Variants in ATP2B2 observed in about 807,000 individuals in gnomAD.
ATP2B2 encodes the protein ATPase plasma membrane Ca2+ transporting 2.
ATP2B2 carries 15 observed loss-of-function variants against 120.0 expected under a neutral mutation model. The observed-to-expected ratio is 0.12, with a 90% CI of 0.08 to 0.19. The LOEUF is 0.19. Ranked by LOEUF, ATP2B2 falls within the 10% of genes least tolerant of loss-of-function variation. The pLI is 1.00. For missense variants in ATP2B2, 1,045 were observed against 1,719.8 expected, an observed-to-expected ratio of 0.61 and a Z score of 6.94; for synonymous variants, 694 against 700.3, an observed-to-expected ratio of 0.99 and a Z score of 0.14.
intron 1 of ATP2B2, among the ~76,000 whole-genome samples, chr3:10,665,623 G>A (rs1047710300): frequency 6.6e-6 from 1 of 152,188 alleles, no homozygotes; most frequent in African/African-American, 2.4e-5. Context: ...ATGAACAAAA[G>A]CAAAGATGTG....
intron 3 of ATP2B2, among the ~76,000 whole-genome samples, chr3:10,521,626 G>A (rs1272033121): frequency 2.0e-5 from 3 of 152,208 alleles, no homozygotes; most frequent in African/African-American, 7.2e-5. Flanking sequence ...TTGTGGGAAC[G>A]GAGGTGAAAT....
chr3:10,639,677 G>A (rs540530706), intron 1 of ATP2B2, among the ~76,000 whole-genome samples: 60 of 152,302 alleles, frequency 3.9e-4, no homozygotes, highest in African/African-American at 1.2e-3. Context: ...GACTGGGTGC[G>A]GAGTTGTTGC....
At chr3:10,596,367 A>G (rs2068764036) in intron 2 of ATP2B2, among the ~76,000 whole-genome samples, 1 of 152,232 alleles carries the variant, frequency 6.6e-6, no homozygotes, top group Non-Finnish European at 1.5e-5. Flanking sequence ...TTCCAGCATC[A>G]TGTGCAGTGT....
chr3:10,435,513 C>A (rs2063453719), intron 2 of ATP2B2, among the ~76,000 whole-genome samples: 4 of 152,228 alleles, frequency 2.6e-5, no homozygotes, highest in Admixed American at 2.6e-4. Flanking sequence ...ATCTGGGCCA[C>A]TCCAGACCTC....
intron 2 of ATP2B2, among the ~76,000 whole-genome samples, chr3:10,432,353 C>G (rs1433996608): frequency 6.6e-6 from 1 of 152,208 alleles, no homozygotes; most frequent in Admixed American, 6.5e-5. Flanking sequence ...GCTGCACAGG[C>G]CTGAAGCCTG....
At chr3:10,557,788 C>G (rs897190132) in intron 2 of ATP2B2, among the ~76,000 whole-genome samples, 2 of 152,178 alleles carry the variant, frequency 1.3e-5, no homozygotes, top group African/African-American at 4.8e-5. Context: ...GAACTCCAGT[C>G]CGTGTGAGCC....
intron 1 of ATP2B2, among the ~76,000 whole-genome samples, chr3:10,505,056 G>A (rs1010540414): frequency 1.3e-5 from 2 of 152,162 alleles, no homozygotes; most frequent in Admixed American, 6.5e-5. Context: ...CCCTGGGACC[G>A]GCTCAGAGAG....
chr3:10,399,852 C>T (rs1303579847), intron 5 of ATP2B2, among the ~76,000 whole-genome samples: 1 of 152,246 alleles, frequency 6.6e-6, no homozygotes, highest in Non-Finnish European at 1.5e-5. Context: ...AACGCCACCT[C>T]CTCCAGGGAG....
chr3:10,586,452 A>G (rs879293162), intron 2 of ATP2B2, among the ~76,000 whole-genome samples: 11 of 152,212 alleles, frequency 7.2e-5, no homozygotes, highest in Non-Finnish European at 1.5e-4. Flanking sequence ...AAGTTTAAAC[A>G]ACCTTCCCAA....
chr3:10,408,853 C>T (rs745532249), intron 3 of ATP2B2, among the ~76,000 whole-genome samples: 5 of 152,150 alleles, frequency 3.3e-5, no homozygotes, highest in Admixed American at 1.3e-4. Flanking sequence ...GCCATGTATC[C>T]GAGCTGATTC....
At chr3:10,560,882 G>C (rs1218946143) in intron 2 of ATP2B2, among the ~76,000 whole-genome samples, 1 of 152,112 alleles carries the variant, frequency 6.6e-6, no homozygotes, top group Non-Finnish European at 1.5e-5. Flanking sequence ...AGGCTCCAGA[G>C]CATCTGTCCT....
chr3:10,365,711 G>A (rs937495596), intron 12 of ATP2B2, among the ~76,000 whole-genome samples: 1 of 139,054 alleles, frequency 7.2e-6, no homozygotes, highest in African/African-American at 2.7e-5. Flanking sequence ...TGTGTCTGTG[G>A]TATGTTTGGT....
intron 2 of ATP2B2, among the ~76,000 whole-genome samples, chr3:10,545,272 G>A (rs950684188): frequency 3.3e-5 from 5 of 152,200 alleles, no homozygotes; most frequent in African/African-American, 4.8e-5. Flanking sequence ...GCTCATGCCT[G>A]TAATCCCAGC....
intron 1 of ATP2B2, chr3:10,626,931 A>G (rs1238190625): frequency 3.3e-5 from 5 of 150,052 alleles, no homozygotes; most frequent in Non-Finnish European, 5.9e-5. Flanking sequence ...TCATTTACCA[A>G]TGAGACACTG....
chr3:10,468,096 G>A (rs2064826803), intron 1 of ATP2B2, among the ~76,000 whole-genome samples: 1 of 152,222 alleles, frequency 6.6e-6, no homozygotes, highest in African/African-American at 2.4e-5. Flanking sequence ...TGGTGGAGAT[G>A]CCAGGGAAGT....
Position 10,635,589 on chromosome 3 carries a change from C to T in ATP2B2, c.-459-15628G>A, listed in dbSNP as rs1398791464. ...GGGAGACAAGAATCAGAAGCAGCTG[C>T]CTAGAATGATCTGCCACAATTTGGC... On this transcript the variant is annotated intron_variant, in intron 1 of 21. Transcript: ENST00000646379. This position sits in a 1 kb window ranked among gnomAD's most constrained non-coding sequence, Gnocchi z 4.3. Among the ~76,000 whole-genome samples, 3 of 152,130 alleles carry T rather than the reference C, an allele frequency of 2.0e-5. No homozygotes were observed. The highest frequency in any genetic ancestry group is 4.4e-5 in the Non-Finnish European group (3 of 68,012).
chr3:10,617,795 G>A (rs1297790852), intron 2 of ATP2B2, among the ~76,000 whole-genome samples: 1 of 152,208 alleles, frequency 6.6e-6, no homozygotes, highest in Non-Finnish European at 1.5e-5. Flanking sequence ...CCAGCAACAT[G>A]AGTGTGCAGG....
At chr3:10,590,474 G>T (rs921876502) in intron 2 of ATP2B2, among the ~76,000 whole-genome samples, 1 of 152,122 alleles carries the variant, frequency 6.6e-6, no homozygotes, top group Non-Finnish European at 1.5e-5. Context: ...CTTCAGCCTC[G>T]CTGAAGGCTC....
In ATP2B2 at chr3:10,350,133, C is replaced by T; in HGVS notation, c.2383G>A (p.Asp795Asn). Residue 795 changes from aspartate (D) to asparagine (N), a missense_variant, in exon 16 of 23, where the codon GAC becomes AAC. Transcript: ENST00000360273. ...LRVLARSSPT[D>N]KHTLVKGIID... is the part of the protein sequence containing the mutation. ...TTACCTTTAACCAGGGTATGCTTGT[C>T]CGTTGGGGAGGAGCGAGCCAGCACC... The T allele has an allele frequency of 6.2e-7, 1 of 1,613,908 alleles. No homozygotes were observed. Among genetic ancestry groups the T allele is most frequent in the Non-Finnish European group, 8.5e-7 (1 of 1,179,990 alleles).
Sources: gnomAD v4.1 joint callset for allele counts (sites outside exome capture counted in the v4.1 genomes callset) on GRCh38, gnomAD v4.1.1 for gene constraint, Gnocchi (gnomAD v3.1) non-coding constraint, MANE v1.5 for transcripts, NCBI Gene and HGNC (gene_info 2026-07-23, HGNC 2026-07-21) for gene names.